The following ZDHHC20 variants were observed in gnomAD, a reference collection of about 807,000 sequenced individuals.
The protein encoded by ZDHHC20 is zDHHC palmitoyltransferase 20.
In ZDHHC20, 43 loss-of-function variants were observed where a neutral mutation model predicts 57.8. The ratio of observed to expected loss-of-function variants is 0.74; its 90% CI spans 0.58 to 0.96. ZDHHC20 has a LOEUF of 0.96. Among genes scored for constraint, ZDHHC20 ranks in the 40% least tolerant of loss-of-function variants. The pLI, the probability that ZDHHC20 is intolerant of heterozygous loss-of-function variation, is 0.00. For synonymous variants in ZDHHC20, 157 were observed against 153.0 expected, an observed-to-expected ratio of 1.03 and a Z score of -0.19; for missense variants, 391 against 441.1, an observed-to-expected ratio of 0.89 and a Z score of 1.02.
intron 3 of ZDHHC20, among the ~76,000 whole-genome samples, chr13:21,418,392 A>G (rs530401162): frequency 6.6e-6 from 1 of 152,250 alleles, no homozygotes; most frequent in South Asian, 2.1e-4. Context: ...AAAAAAAATA[A>G]CAACAACATT....
intron 1 of ZDHHC20, among the ~76,000 whole-genome samples, chr13:21,452,986 C>G (rs1208783634): frequency 2.0e-5 from 3 of 152,158 alleles, no homozygotes; most frequent in African/African-American, 7.2e-5. Context: ...TATCAATAAT[C>G]ACATTAAATG....
chr13:21,404,931 A>G (rs1323317500), intron 4 of ZDHHC20, among the ~76,000 whole-genome samples: 3 of 152,206 alleles, frequency 2.0e-5, no homozygotes, highest in Non-Finnish European at 4.4e-5. Context: ...GTTAGAAGCT[A>G]TAGCTCATAG....
At chr13:21,402,149 G>A (rs1000002909) in intron 5 of ZDHHC20, among the ~76,000 whole-genome samples, 17 of 152,120 alleles carry the variant, frequency 1.1e-4, no homozygotes, top group African/African-American at 4.1e-4. Context: ...GAGATAAAAT[G>A]CAATACAGAT....
chr13:21,440,629 A>AGTGT (rs764333057), intron 1 of ZDHHC20, among the ~76,000 whole-genome samples: 39 of 115,578 alleles, frequency 3.4e-4, no homozygotes, highest in African/African-American at 9.6e-4. Context: ...ACAAACAAAA[A>AGTGT]GTGTGTGTGT....
intron 9 of ZDHHC20, among the ~76,000 whole-genome samples, chr13:21,384,775 C>T (rs562714153): frequency 9.2e-5 from 14 of 152,250 alleles, no homozygotes; most frequent in African/African-American, 3.1e-4. Flanking sequence ...CACTACAGAA[C>T]GTAATACTCT....
At chr13:21,388,198 T>C (rs1389059219) in intron 8 of ZDHHC20, among the ~76,000 whole-genome samples, 2 of 152,120 alleles carry the variant, frequency 1.3e-5, no homozygotes, top group South Asian at 2.1e-4. Flanking sequence ...TGAGGATGAC[T>C]AGACCATTAT....
At chr13:21,382,509 ATTT>A (rs1766505571) in intron 10 of ZDHHC20, among the ~76,000 whole-genome samples, 1 of 152,212 alleles carries the variant, frequency 6.6e-6, no homozygotes, top group Non-Finnish European at 1.5e-5. Flanking sequence ...AATCCTCATT[ATTT>A]TGATAGTATA....
At chr13:21,452,800 A>C (rs111659127) in intron 1 of ZDHHC20, among the ~76,000 whole-genome samples, 1 of 152,208 alleles carries the variant, frequency 6.6e-6, no homozygotes, top group African/African-American at 2.4e-5. Context: ...CAATCAATAA[A>C]GTAACAAAAA....
In ZDHHC20 at chr13:21,459,247, C is replaced by G. The variant is rs1366338456; in HGVS notation, c.-76G>C. 44 of 1,163,272 alleles carry G rather than the reference C, an allele frequency of 3.8e-5. No homozygotes were observed. Among genetic ancestry groups the G allele is most frequent in the Non-Finnish European group, 5.1e-5 (43 of 840,036 alleles). The allele number at this position is 1,163,272 out of a possible 1,614,324, so 72.1% of individuals were successfully genotyped here. ...GGAGCCCCGGCGACGGTGACTCGGA[C>G]GCTCCAGGCGGCTGCTGGTCCAGCT... On this transcript the variant is annotated 5_prime_UTR_variant, in exon 1 of 13. Transcript: ENST00000400590.
At chr13:21,438,554 T>C (rs1566108309) in intron 1 of ZDHHC20, among the ~76,000 whole-genome samples, 1 of 152,196 alleles carries the variant, frequency 6.6e-6, no homozygotes, top group South Asian at 2.1e-4. Context: ...AGTTGCTTTG[T>C]ATGGAAGAGA....
At position 21,376,648 on chromosome 13, in the gene ZDHHC20, T is replaced by A; in HGVS notation, c.*48A>T. The A allele has an allele frequency of 7.1e-7, 1 of 1,416,376 alleles. No individual in the cohort carries two copies. Among genetic ancestry groups the A allele is most frequent in the Admixed American group, 2.6e-5 (1 of 38,088 alleles). 87.7% of individuals were successfully genotyped at this position (1,416,376 alleles called of 1,614,324 possible). A position where few individuals can be genotyped will look rare whatever the true frequency, so the allele number is the denominator to read the frequency against. ...TTGAAAATACCAGTCTATAATGTTT[T>A]CATACACCTACAAAAAAAGAAACAA... is the stretch of plus-strand genomic sequence containing the variant. On this transcript the variant is annotated 3_prime_UTR_variant, in exon 13 of 13. Transcript: ENST00000400590.
rs71093307 is a variant in ZDHHC20, at chr13:21,393,699, C to CAAAAAAAAAAAAAAAAAAAAAAAAAAAA, written c.595-1873_595-1846dup. Among the ~76,000 whole-genome samples the CAAAAAAAAAAAAAAAAAAAAAAAAAAAA allele has an allele frequency of 7.9e-5, 5 of 63,392 alleles. 1 individual carries two copies. The highest frequency in any genetic ancestry group is 3.0e-4 in the African/African-American group (4 of 13,298). 41.6% of individuals were successfully genotyped at this position (63,392 alleles called of 152,430 possible). ...AGCCTGGGCGACACAGCAAGTCTCA[C>CAAAAAAAAAAAAAAAAAAAAAAAAAAAA]AAAAAAAAAAAAAAAAAAAAAAAAA... On this transcript the variant is annotated intron_variant, in intron 7 of 12. Transcript: ENST00000400590.
chr13:21,434,615 T>C (rs1882355400), intron 1 of ZDHHC20, among the ~76,000 whole-genome samples: 2 of 152,222 alleles, frequency 1.3e-5, no homozygotes, highest in South Asian at 4.1e-4. Context: ...GTTCATGTTC[T>C]GTTTTTATGC....
chr13:21,427,220 A>G (rs1881369472), intron 1 of ZDHHC20, among the ~76,000 whole-genome samples: 1 of 152,142 alleles, frequency 6.6e-6, no homozygotes, highest in Non-Finnish European at 1.5e-5. Context: ...TGCTCCTTGA[A>G]GTGTGGAATC....
intron 1 of ZDHHC20, among the ~76,000 whole-genome samples, chr13:21,441,550 T>A (rs1445452791): frequency 2.3e-4 from 1 of 4,266 alleles, no homozygotes; most frequent in East Asian, 0.023. Context: ...CACGCCCGGC[T>A]TTTTTTTTTT....
chr13:21,402,412 C>T (rs1877809388), intron 5 of ZDHHC20, among the ~76,000 whole-genome samples: 1 of 151,970 alleles, frequency 6.6e-6, no homozygotes, highest in African/African-American at 2.4e-5. Context: ...AAAAAAATAA[C>T]AAAATGAGTA....
At chr13:21,424,049 G>C (rs1880967896) in intron 2 of ZDHHC20, among the ~76,000 whole-genome samples, 1 of 151,924 alleles carries the variant, frequency 6.6e-6, no homozygotes, top group Non-Finnish European at 1.5e-5. Context: ...AAATGGTTTT[G>C]CTTAAAAATA....
intron 1 of ZDHHC20, among the ~76,000 whole-genome samples, chr13:21,454,960 G>A (rs1309062798): frequency 4.0e-5 from 6 of 151,888 alleles, no homozygotes; most frequent in East Asian, 1.9e-4. Flanking sequence ...TCGCTCTGTC[G>A]CCCAGGCTGG....
In ZDHHC20 at chr13:21,445,610, C is replaced by T. The variant is rs74039327; in HGVS notation, c.118+13444G>A. On this transcript the variant is annotated intron_variant, in intron 1 of 12. Coordinates refer to ENST00000400590, the MANE Select transcript of ZDHHC20 (RefSeq NM_001330059.2). Reference sequence around the variant, plus strand: ...CAATAATACCGATTATCAATAATTGCAAGTTGTCTACTATATGAAAACATT... The same window carrying T: ...CAATAATACCGATTATCAATAATTGTAAGTTGTCTACTATATGAAAACATT... Among the ~76,000 whole-genome samples, 701 of 152,296 alleles carry T rather than the reference C, an allele frequency of 4.6e-3. 10 individuals are homozygous for T. The highest frequency in any genetic ancestry group is 0.016 in the African/African-American group (662 of 41,568).
Sources: allele counts gnomAD v4.1 joint callset (sites outside exome capture counted in the v4.1 genomes callset), GRCh38; gene constraint gnomAD v4.1.1; transcripts MANE v1.5; gene names NCBI Gene and HGNC (gene_info 2026-07-23, HGNC 2026-07-21).